Variants in MYRIP observed in about 807,000 individuals in gnomAD.
MYRIP encodes myosin VIIA and Rab interacting protein.
In MYRIP, 49 loss-of-function variants were observed where a neutral mutation model predicts 98.0. The observed-to-expected ratio is 0.50, with a 90% CI of 0.40 to 0.63. MYRIP has a LOEUF of 0.63. Ranked by LOEUF, MYRIP falls within the 30% of genes least tolerant of loss-of-function variation. MYRIP has a pLI of 0.00. For missense variants in MYRIP, 1,004 were observed against 1,058.2 expected, an observed-to-expected ratio of 0.95 and a Z score of 0.71; for synonymous variants, 404 against 409.5, an observed-to-expected ratio of 0.99 and a Z score of 0.16.
Position 40,023,500 on chromosome 3 carries a change from C to T in MYRIP, c.111-20550C>T, listed in dbSNP as rs556924495. Among the ~76,000 whole-genome samples, 36 of 27,794 alleles carry T rather than the reference C, an allele frequency of 1.3e-3. 1 individual carries two copies. The South Asian group carries it at 0.06, about 46-fold the overall frequency. 18.2% of individuals were successfully genotyped at this position (27,794 alleles called of 152,430 possible). A position where few individuals can be genotyped will look rare whatever the true frequency, so the allele number is the denominator to read the frequency against. ...AGGATCCCACAAGCCTGCACTCACT[C>T]GATGACATCACTGCTGCTGCTGCCA... On this transcript the variant is annotated intron_variant, in intron 2 of 16. Coordinates refer to ENST00000302541, the MANE Select transcript of MYRIP (RefSeq NM_015460.4).
intron 2 of MYRIP, among the ~76,000 whole-genome samples, chr3:39,969,374 G>A (rs574782026): frequency 3.3e-5 from 5 of 152,128 alleles, no homozygotes; most frequent in African/African-American, 7.2e-5. Flanking sequence ...TATGAGTGCT[G>A]AGAGAGGGCA....
At chr3:39,977,115 GT>G (rs1559545185) in intron 2 of MYRIP, among the ~76,000 whole-genome samples, 1 of 150,888 alleles carries the variant, frequency 6.6e-6, no homozygotes, top group Admixed American at 6.6e-5. Context: ...ATTATAAAAG[GT>G]TTATTTTAAA....
At chr3:40,033,740 C>T (rs1377815774) in intron 2 of MYRIP, among the ~76,000 whole-genome samples, 1 of 152,044 alleles carries the variant, frequency 6.6e-6, no homozygotes, top group Middle Eastern at 3.2e-3. Context: ...TCATATGGAA[C>T]CAAAAAAGAG....
intron 15 of MYRIP, 105 bp downstream of exon 15, chr3:40,250,604 C>T: frequency 7.7e-7 from 1 of 1,301,578 alleles, no homozygotes; most frequent in Non-Finnish European, 1.1e-6. Flanking sequence ...ATGGAGTGTT[C>T]TCACACAGAA....
intron 11 of MYRIP, among the ~76,000 whole-genome samples, chr3:40,228,805 A>T (rs1952563247): frequency 6.6e-6 from 1 of 151,958 alleles, no homozygotes; most frequent in Admixed American, 6.6e-5. Context: ...CCAGAAGCTG[A>T]CTCTCTGAAC....
intron 2 of MYRIP, chr3:39,970,208 C>T (rs954176204): frequency 3.9e-5 from 6 of 152,056 alleles, no homozygotes; most frequent in Non-Finnish European, 8.8e-5. Context: ...TCCCAGTACC[C>T]TGCTGTGATG....
chr3:40,170,025 A>ACATCT lies in MYRIP; in HGVS notation c.805_806insCATCT (p.Ser269ThrfsTer39). ...AGGATGGCCACATCCCCAGAGTTGCAGCACAAAGGTGGCAGATGAGGGGAC... is the reference window on the plus strand; with the variant it reads ...AGGATGGCCACATCCCCAGAGTTGCACATCTGCACAAAGGTGGCAGATGAGGGGAC... On this transcript the variant is annotated frameshift_variant, in exon 8 of 17. Coordinates refer to ENST00000302541, the MANE Select transcript of MYRIP (RefSeq NM_015460.4). LOFTEE classifies it high-confidence loss of function. 1 of 1,614,234 alleles carries ACATCT rather than the reference A, an allele frequency of 6.2e-7. No individual in the cohort carries two copies. Among genetic ancestry groups the ACATCT allele is most frequent in the Non-Finnish European group, 8.5e-7 (1 of 1,180,040 alleles).
intron 1 of MYRIP, among the ~76,000 whole-genome samples, chr3:39,863,593 A>G (rs1233282558): frequency 6.6e-6 from 1 of 152,216 alleles, no homozygotes; most frequent in Non-Finnish European, 1.5e-5. Context: ...GCAAATGTAC[A>G]ACCTCCCAAG....
chr3:40,191,376 T>C (rs1227727172), intron 10 of MYRIP, among the ~76,000 whole-genome samples: 1 of 152,168 alleles, frequency 6.6e-6, no homozygotes, highest in African/African-American at 2.4e-5. Context: ...TGCCCCCACC[T>C]CTTCTGGTGA....
At chr3:40,145,203 C>A (rs1240703743) in intron 3 of MYRIP, among the ~76,000 whole-genome samples, 1 of 152,114 alleles carries the variant, frequency 6.6e-6, no homozygotes, top group Non-Finnish European at 1.5e-5. Context: ...AGCACCCGTA[C>A]CCATGTGCCT....
At chr3:40,215,090 G>A (rs1952076135) in intron 11 of MYRIP, among the ~76,000 whole-genome samples, 2 of 152,162 alleles carry the variant, frequency 1.3e-5, no homozygotes, top group Admixed American at 6.5e-5. Flanking sequence ...TTTGGAACAT[G>A]AGCATTTATT....
At chr3:39,999,792 A>G (rs1194652633) in intron 2 of MYRIP, among the ~76,000 whole-genome samples, 2 of 152,166 alleles carry the variant, frequency 1.3e-5, no homozygotes, top group Non-Finnish European at 2.9e-5. Flanking sequence ...TCCAACAATG[A>G]TAGACTGGAT....
intron 3 of MYRIP, among the ~76,000 whole-genome samples, chr3:40,080,405 TG>T (rs1340775704): frequency 2.6e-5 from 4 of 152,268 alleles, no homozygotes; most frequent in African/African-American, 9.6e-5. Context: ...TTTTAGTTTT[TG>T]GTATTAATGT....
chr3:39,882,278 G>A (rs1943173611), intron 1 of MYRIP, among the ~76,000 whole-genome samples: 1 of 151,976 alleles, frequency 6.6e-6, no homozygotes, highest in Non-Finnish European at 1.5e-5. Flanking sequence ...CAGTTTAGAT[G>A]CTCAGAGCAG....
At chr3:40,159,938 G>C (rs1051724749) in intron 4 of MYRIP, among the ~76,000 whole-genome samples, 14 of 152,104 alleles carry the variant, frequency 9.2e-5, no homozygotes, top group African/African-American at 3.1e-4. Context: ...CCTTTGGTTT[G>C]AATGTCCTCC....
chr3:39,978,240 A>G (rs1945803982), intron 2 of MYRIP, among the ~76,000 whole-genome samples: 1 of 152,188 alleles, frequency 6.6e-6, no homozygotes, highest in South Asian at 2.1e-4. Flanking sequence ...CTCAAGAGAA[A>G]TTTAGATAAG....
Position 39,992,414 on chromosome 3 carries a change from C to A in MYRIP, c.111-51636C>A, listed in dbSNP as rs184831282. 5.9e-5 allele frequency among the ~76,000 whole-genome samples: 9 copies of A among 152,276 alleles called. No homozygotes were observed. In the East Asian group the frequency reaches 1.7e-3, roughly 29 times the overall value. ...TGAAAATGACCATCATTGTTTTGCTCCAAAGTCTGCCTCTCCCCCAAGGGC... is the reference window on the plus strand; with the variant it reads ...TGAAAATGACCATCATTGTTTTGCTACAAAGTCTGCCTCTCCCCCAAGGGC... On this transcript the variant is annotated intron_variant, in intron 2 of 16. Transcript: ENST00000302541.
chr3:40,097,830 AG>A (rs1948861084), intron 3 of MYRIP, among the ~76,000 whole-genome samples: 1 of 152,188 alleles, frequency 6.6e-6, no homozygotes, highest in African/African-American at 2.4e-5. Flanking sequence ...GGACTCTAGA[AG>A]GGGTACTTGT....
chr3:40,031,802 G>C (rs1024037121), intron 2 of MYRIP, among the ~76,000 whole-genome samples: 1 of 152,068 alleles, frequency 6.6e-6, no homozygotes, highest in Non-Finnish European at 1.5e-5. Flanking sequence ...TTCTCTGATG[G>C]TAGTTTGTAT....
Sources: gnomAD v4.1 joint callset for allele counts (sites outside exome capture counted in the v4.1 genomes callset) on GRCh38, gnomAD v4.1.1 for gene constraint, MANE v1.5 for transcripts, NCBI Gene and HGNC (gene_info 2026-07-23, HGNC 2026-07-21) for gene names.